The following ADAM23 variants were observed in gnomAD, a reference collection of about 807,000 sequenced individuals.
ADAM23 encodes disintegrin and metalloproteinase domain-containing protein 23.
In ADAM23, 33 loss-of-function variants were observed where a neutral mutation model predicts 120.1. The ratio of observed to expected loss-of-function variants is 0.27; its 90% confidence interval spans 0.21 to 0.37. ADAM23 has a LOEUF of 0.37. Ranked by LOEUF, ADAM23 falls within the 10% of genes least tolerant of loss-of-function variation. The pLI, the probability that ADAM23 is intolerant of heterozygous loss-of-function variation, is 1.00. For synonymous variants in ADAM23, 367 were observed against 375.2 expected, an observed-to-expected ratio of 0.98 and a Z score of 0.25; for missense variants, 862 against 1,058.2, an observed-to-expected ratio of 0.81 and a Z score of 2.57.
At chr2:206,571,478 A>G (rs1189634901) in intron 16 of ADAM23, among the ~76,000 whole-genome samples, 3 of 152,212 alleles carry the variant, frequency 2.0e-5, no homozygotes, top group Non-Finnish European at 2.9e-5. Flanking sequence ...CCGTCTCAAA[A>G]AAACAAAAAG....
chr2:206,594,241 T>C (rs116654525), intron 22 of ADAM23, among the ~76,000 whole-genome samples: 267 of 152,230 alleles, frequency 1.8e-3, no homozygotes, highest in African/African-American at 6.2e-3. Flanking sequence ...TGTCTGTAAA[T>C]ATCAATAGAA....
chr2:206,547,554 C>T (rs1697424106), intron 7 of ADAM23, 53 bp downstream of exon 7: 1 of 1,456,092 alleles, frequency 6.9e-7, no homozygotes, highest in Non-Finnish European at 9.5e-7. Flanking sequence ...GAGCTTTTAT[C>T]TGGTGGAGCT....
chr2:206,609,842 T>C, intron 24 of ADAM23, 68 bp from the exon 25 acceptor site: 1 of 1,317,944 alleles, frequency 7.6e-7, no homozygotes, highest in Non-Finnish European at 1.0e-6. Context: ...ACTGCTTAAC[T>C]GCCTTTCCCT....
intron 3 of ADAM23, among the ~76,000 whole-genome samples, chr2:206,496,368 C>G (rs28832358): frequency 1.3e-5 from 2 of 152,034 alleles, no homozygotes; most frequent in Admixed American, 6.6e-5. Context: ...CGCTCAACTA[C>G]ATGGAAACTG....
chr2:206,451,320 G>A (rs1468022981), intron 2 of ADAM23, among the ~76,000 whole-genome samples: 1 of 152,172 alleles, frequency 6.6e-6, no homozygotes, highest in Non-Finnish European at 1.5e-5. Context: ...GCTCACTGCA[G>A]TCTCTGCCTC....
intron 22 of ADAM23, among the ~76,000 whole-genome samples, chr2:206,593,525 AATTG>A (rs1698464721): frequency 6.6e-6 from 1 of 152,122 alleles, no homozygotes; most frequent in Non-Finnish European, 1.5e-5. Context: ...TTGGGTACTA[AATTG>A]GCTAATGCTG....
chr2:206,529,098 A>G (rs969716364), intron 3 of ADAM23, among the ~76,000 whole-genome samples: 2 of 152,212 alleles, frequency 1.3e-5, no homozygotes, highest in African/African-American at 4.8e-5. Context: ...TTGAGTTAAA[A>G]TAAAAATAGT....
intron 2 of ADAM23, among the ~76,000 whole-genome samples, chr2:206,473,055 C>T (rs146309407): frequency 5.2e-4 from 79 of 152,162 alleles, no homozygotes; most frequent in African/African-American, 1.7e-3. Context: ...GGGCATTTTT[C>T]GGGCATGTAT....
intron 13 of ADAM23, 102 bp from the exon 14 acceptor site, chr2:206,564,918 A>T (rs1697847292): frequency 2.4e-6 from 3 of 1,253,186 alleles, no homozygotes; most frequent in Non-Finnish European, 2.3e-6. Flanking sequence ...CTGACATGGA[A>T]TTGGTAATAA....
intron 3 of ADAM23, among the ~76,000 whole-genome samples, chr2:206,500,451 A>C (rs550216139): frequency 1.3e-5 from 2 of 152,306 alleles, no homozygotes; most frequent in East Asian, 3.9e-4. Context: ...AGTAGCTTTT[A>C]GAAGGGAAAC....
chr2:206,505,665 T>C (rs533937276), intron 3 of ADAM23, among the ~76,000 whole-genome samples: 19 of 152,230 alleles, frequency 1.2e-4, no homozygotes, highest in African/African-American at 4.3e-4. Flanking sequence ...GAGTGAATCC[T>C]CCCTCATGAT....
intron 4 of ADAM23, among the ~76,000 whole-genome samples, chr2:206,535,976 T>C (rs1697164303): frequency 6.6e-6 from 1 of 152,228 alleles, no homozygotes; most frequent in Non-Finnish European, 1.5e-5. Context: ...ATTTCTGAAT[T>C]ATATCTAAAT....
chr2:206,591,392 C>G (rs955623299), intron 21 of ADAM23, among the ~76,000 whole-genome samples: 1 of 152,050 alleles, frequency 6.6e-6, no homozygotes, highest in Non-Finnish European at 1.5e-5. Flanking sequence ...ATCCCTAATG[C>G]TTCATGTATT....
chr2:206,557,156 C>G lies in ADAM23; in HGVS notation c.934-271C>G, dbSNP rs539579167. Among the ~76,000 whole-genome samples, 7 of 152,108 alleles carry G rather than the reference C, an allele frequency of 4.6e-5. No individual in the cohort carries two copies. The East Asian group carries it at 1.4e-3, about 29-fold the overall frequency. ...TGTTGCTTAGGCTGGTCTCAAATCCCTGGCCTCAAGCAGTCCTCCAGCCTC... is the reference window on the plus strand; with the variant it reads ...TGTTGCTTAGGCTGGTCTCAAATCCGTGGCCTCAAGCAGTCCTCCAGCCTC... On this transcript the variant is annotated intron_variant, in intron 9 of 25. Coordinates refer to ENST00000264377, the MANE Select transcript of ADAM23 (RefSeq NM_003812.4).
At chr2:206,559,524 C>CT (rs1193589148) in intron 10 of ADAM23, among the ~76,000 whole-genome samples, 2 of 152,054 alleles carry the variant, frequency 1.3e-5, no homozygotes, top group African/African-American at 4.8e-5. Context: ...TTGTTTGGTG[C>CT]TTATCTGGAG....
At chr2:206,566,258 A>G (rs1412864911) in intron 14 of ADAM23, among the ~76,000 whole-genome samples, 1 of 151,022 alleles carries the variant, frequency 6.6e-6, no homozygotes, top group African/African-American at 2.4e-5. Context: ...TTTTAAAGTT[A>G]ACATGTATTT....
chr2:206,546,882 T>G (rs1415862678), intron 6 of ADAM23, among the ~76,000 whole-genome samples: 1 of 152,172 alleles, frequency 6.6e-6, no homozygotes, highest in Non-Finnish European at 1.5e-5. Flanking sequence ...TAGACATTCC[T>G]AAAAGCATAA....
chr2:206,570,923 C>A, intron 16 of ADAM23, 112 bp downstream of exon 16: 1 of 872,196 alleles, frequency 1.1e-6, no homozygotes, highest in Non-Finnish European at 1.8e-6. Context: ...CTTTCTTTCT[C>A]ATCTCTCTGA....
At chr2:206,469,762 A>T (rs1695616305) in intron 2 of ADAM23, among the ~76,000 whole-genome samples, 1 of 152,098 alleles carries the variant, frequency 6.6e-6, no homozygotes, top group Non-Finnish European at 1.5e-5. Context: ...CACTTGACCC[A>T]CACTGGCCTT....
Sources: allele counts gnomAD v4.1 joint callset (sites outside exome capture counted in the v4.1 genomes callset), GRCh38; gene constraint gnomAD v4.1.1; transcripts MANE v1.5; gene names NCBI Gene and HGNC (gene_info 2026-07-23, HGNC 2026-07-21).